The following SORBS2 variants were observed in gnomAD, a reference collection of about 807,000 sequenced individuals.
SORBS2 encodes the protein sorbin and SH3 domain containing 2.
Under a neutral mutation model 97.7 loss-of-function variants are expected in SORBS2, and 46 were observed. The ratio of observed to expected loss-of-function variants is 0.47; its 90% confidence interval spans 0.37 to 0.60. SORBS2 has a LOEUF of 0.60. SORBS2 is among the 20% of genes least tolerant of loss of function. The pLI, the probability that SORBS2 is intolerant of heterozygous loss-of-function variation, is 0.00. For synonymous variants in SORBS2, 476 were observed against 473.4 expected, an observed-to-expected ratio of 1.01 and a Z score of -0.07; for missense variants, 1,316 against 1,282.3, an observed-to-expected ratio of 1.03 and a Z score of -0.40.
At chr4:185,678,811 G>T in exon 3 of SORBS2, 1 of 1,462,270 alleles carries the variant, frequency 6.8e-7, no homozygotes, top group Non-Finnish European at 9.1e-7. Flanking sequence ...TCTGGTGACT[G>T]AGAATCACGC....
chr4:185,603,911 T>C lies in SORBS2; in HGVS notation c.2796+7869A>G, dbSNP rs367699801. On this transcript the variant is annotated intron_variant, in intron 12 of 14. Coordinates refer to ENST00000418609, the Ensembl canonical transcript of SORBS2. ...CATCCTCATGAATTTACGTCACTTT[T>C]GTGGAAGAACAAGGCTCAAGACAGT... 2.0e-3 allele frequency among the ~76,000 whole-genome samples: 305 copies of C among 152,324 alleles called. 1 individual carries two copies. Among genetic ancestry groups the C allele is most frequent in the African/African-American group, 6.6e-3 (276 of 41,576 alleles).
rs970984323 is a variant in SORBS2, at chr4:185,598,404, A to G, written c.2797-4469T>C. Reference sequence around the variant, plus strand: ...ATGCTAATTTCCAAAGCCAGAACCAATCACAAGTTGCTGTTCATAAGGAAG... The same window carrying G: ...ATGCTAATTTCCAAAGCCAGAACCAGTCACAAGTTGCTGTTCATAAGGAAG... On this transcript the variant is annotated intron_variant, in intron 12 of 14. Transcript: ENST00000418609. 4.6e-5 allele frequency among the ~76,000 whole-genome samples: 7 copies of G among 152,316 alleles called. No homozygotes were observed. The South Asian group carries it at 1.5e-3, about 32-fold the overall frequency.
At chr4:185,680,975 G>C (rs550982450) in intron 2 of SORBS2, among the ~76,000 whole-genome samples, 5 of 152,216 alleles carry the variant, frequency 3.3e-5, no homozygotes, top group Admixed American at 6.5e-5. Flanking sequence ...ATCTGTCCCT[G>C]TGCCACTGGA....
At chr4:185,628,356 G>A (rs1200839100) in intron 5 of SORBS2, among the ~76,000 whole-genome samples, 1 of 151,174 alleles carries the variant, frequency 6.6e-6, no homozygotes, top group African/African-American at 2.4e-5. Context: ...ATCAAGAGAG[G>A]AAAATCTCTC....
intron 4 of SORBS2, among the ~76,000 whole-genome samples, chr4:185,673,201 A>G (rs2097743188): frequency 6.6e-6 from 1 of 152,210 alleles, no homozygotes; most frequent in Non-Finnish European, 1.5e-5. Flanking sequence ...CGGTGGGCAT[A>G]AAGTTTTAGT....
chr4:185,861,255 T>A (rs2099223567), intron 1 of SORBS2, among the ~76,000 whole-genome samples: 1 of 149,760 alleles, frequency 6.7e-6, no homozygotes, highest in Non-Finnish European at 1.5e-5. Flanking sequence ...TGTTTTCAGG[T>A]TTCTTTGGAA....
chr4:185,622,089 C>T (rs1302241466), intron 7 of SORBS2, among the ~76,000 whole-genome samples: 1 of 152,216 alleles, frequency 6.6e-6, no homozygotes, highest in Non-Finnish European at 1.5e-5. Context: ...AATATTAAAA[C>T]ACCCTGGGCT....
At chr4:185,653,881 C>T (rs988204482) in intron 1 of SORBS2, among the ~76,000 whole-genome samples, 4 of 152,142 alleles carry the variant, frequency 2.6e-5, no homozygotes, top group East Asian at 1.9e-4. Flanking sequence ...ACACACCAGA[C>T]GTTCCAAGAC....
chr4:185,648,917 A>T (rs1473139735), intron 3 of SORBS2, among the ~76,000 whole-genome samples: 1 of 152,248 alleles, frequency 6.6e-6, no homozygotes, highest in Non-Finnish European at 1.5e-5. Flanking sequence ...TAATCCCAGT[A>T]AAAATAACAC....
chr4:185,817,414 A>T (rs1466366077), intron 1 of SORBS2, among the ~76,000 whole-genome samples: 1 of 152,186 alleles, frequency 6.6e-6, no homozygotes, highest in Non-Finnish European at 1.5e-5. Flanking sequence ...CTTCATAATG[A>T]TAAGCTTAAA....
At chr4:185,865,790 G>C (rs187023599) in intron 1 of SORBS2, among the ~76,000 whole-genome samples, 1 of 152,220 alleles carries the variant, frequency 6.6e-6, no homozygotes, top group Non-Finnish European at 1.5e-5. Context: ...GGGTTTTAAA[G>C]TCTGCTCCCA....
chr4:185,637,071 C>T (rs2097021240), intron 4 of SORBS2, among the ~76,000 whole-genome samples: 1 of 152,226 alleles, frequency 6.6e-6, no homozygotes, highest in Admixed American at 6.5e-5. Flanking sequence ...AAATTAAGAT[C>T]CACAGGACTT....
At chr4:185,760,177 T>A (rs2153608929) in intron 2 of SORBS2, among the ~76,000 whole-genome samples, 1 of 152,358 alleles carries the variant, frequency 6.6e-6, no homozygotes, top group East Asian at 1.9e-4. Flanking sequence ...CTATGTTTTG[T>A]TTCCATCGAA....
At chr4:185,633,137 T>G (rs1198846706) in intron 4 of SORBS2, among the ~76,000 whole-genome samples, 1 of 152,204 alleles carries the variant, frequency 6.6e-6, no homozygotes, top group Non-Finnish European at 1.5e-5. Context: ...AAATTTTGCT[T>G]AAATATCCGT....
chr4:185,735,949 G>A (rs2098683329), intron 2 of SORBS2, among the ~76,000 whole-genome samples: 1 of 152,144 alleles, frequency 6.6e-6, no homozygotes, highest in Admixed American at 6.5e-5. Context: ...TACTATTACA[G>A]CAAGCTCTTT....
chr4:185,604,315 G>A (rs972451333), intron 12 of SORBS2, among the ~76,000 whole-genome samples: 1 of 152,168 alleles, frequency 6.6e-6, no homozygotes. Flanking sequence ...TTGAAGACAT[G>A]CAATAAACCA....
chr4:185,733,760 T>A (rs1478275318), intron 2 of SORBS2, among the ~76,000 whole-genome samples: 1 of 152,134 alleles, frequency 6.6e-6, no homozygotes, highest in Non-Finnish European at 1.5e-5. Flanking sequence ...AGTGAAGAAT[T>A]CAAAAACAAT....
exon 6 of SORBS2, chr4:185,626,986 C>G (rs2096826156): frequency 6.2e-7 from 1 of 1,614,066 alleles, no homozygotes; most frequent in African/African-American, 1.3e-5. Context: ...CGCTCTTCCT[C>G]CGCTTCCTGA....
chr4:185,931,427 A>C (rs1218653956), intron 1 of SORBS2, among the ~76,000 whole-genome samples: 3 of 152,212 alleles, frequency 2.0e-5, no homozygotes, highest in Non-Finnish European at 2.9e-5. Context: ...TGTAGTTGGG[A>C]AGAGTGACTG....
Sources: gnomAD v4.1 joint callset for allele counts (sites outside exome capture counted in the v4.1 genomes callset) on GRCh38, gnomAD v4.1.1 for gene constraint, MANE v1.5 for transcripts, NCBI Gene and HGNC (gene_info 2026-07-23, HGNC 2026-07-21) for gene names.